The following PCDHB6 variants were observed in gnomAD, a reference collection of about 807,000 sequenced individuals.
PCDHB6 encodes protocadherin beta-6.
For synonymous variants in PCDHB6, 506 were observed against 459.0 expected (o/e 1.10, Z -1.31); for missense variants, 1,137 against 1,010.1 (o/e 1.13, Z -1.70).
rs1554277996 is a variant in PCDHB6 at position 141,152,315 on chromosome 5, C to G, written c.2058C>G (p.Val686=). Residue 686 remains valine, a synonymous_variant, in exon 1 of 1, where the codon GTC becomes GTG. Transcript: ENST00000231136. The part of the protein sequence containing the change: ...PAQAQADSLT[V]YLVVALASVS... The stretch of plus-strand genomic sequence containing the variant: ...AAGCCCAGGCCGACTCTCTCACCGT[C>G]TACCTGGTGGTGGCGTTGGCCTCGG... 3.1e-6 allele frequency: 5 copies of G among 1,609,242 alleles called. No individual in the cohort carries two copies. In the Admixed American group the frequency reaches 5.0e-5, roughly 16 times the overall value.
In PCDHB6 at chr5:141,152,328, G is replaced by A; in HGVS notation, c.2071G>A (p.Ala691Thr). 1 of 1,609,380 alleles carries A rather than the reference G, an allele frequency of 6.2e-7. No homozygotes were observed. Among genetic ancestry groups the A allele is most frequent in the East Asian group, 2.2e-5 (1 of 44,862 alleles). The change falls in exon 1 of 1, where the codon GCG becomes ACG. Residue 691 changes from alanine to threonine, a missense_variant. Coordinates refer to ENST00000231136, the MANE Select transcript of PCDHB6 (RefSeq NM_018939.4). Reference protein sequence around the residue: ...ADSLTVYLVVALASVSSLFLF... With the variant: ...ADSLTVYLVVTLASVSSLFLF... ...CTCTCTCACCGTCTACCTGGTGGTGGCGTTGGCCTCGGTGTCGTCGCTCTT... is the reference window on the plus strand; with the variant it reads ...CTCTCTCACCGTCTACCTGGTGGTGACGTTGGCCTCGGTGTCGTCGCTCTT...
chr5:141,150,299 T>A lies in PCDHB6; in HGVS notation c.42T>A (p.Ala14=). 6.2e-7 allele frequency: 1 copy of A among 1,613,722 alleles called. No individual in the cohort carries two copies. The highest frequency in any genetic ancestry group is 8.5e-7 in the Non-Finnish European group (1 of 1,179,704). Reference sequence around the variant, plus strand: ...TACAGAACAAGAAAAGGCAAGTGGCTTTCTTCATTTTATTGATGCTTTGGG... The same window carrying A: ...TACAGAACAAGAAAAGGCAAGTGGCATTCTTCATTTTATTGATGCTTTGGG... ...TKVQNKKRQV[A]FFILLMLWGE... The change falls in exon 1 of 1, where the codon GCT becomes GCA. Residue 14 remains alanine, a synonymous_variant. Coordinates refer to ENST00000231136, the MANE Select transcript of PCDHB6 (RefSeq NM_018939.4).
Position 141,150,447 on chromosome 5 carries a change from C to T in PCDHB6, c.190C>T (p.Arg64Trp). The T allele has an allele frequency of 6.2e-7, 1 of 1,613,990 alleles. No homozygotes were observed. Among genetic ancestry groups the T allele is most frequent in the Non-Finnish European group, 8.5e-7 (1 of 1,180,012 alleles). The stretch of plus-strand genomic sequence containing the variant: ...GGGGGAGCTGGCTTCGCGGGGCGCT[C>T]GGGTTGTTTTCAAAGGGAACAGACA... ...RVGELASRGA[R>W]VVFKGNRQHL... is the part of the protein sequence containing the mutation. Residue 64 changes from arginine (R) to tryptophan (W), a missense_variant, in exon 1 of 1, where the codon CGG becomes TGG. Arg to Trp is a moderately radical substitution (Grantham distance 101). Transcript: ENST00000231136.
rs782733312 is a variant in PCDHB6, at chr5:141,151,319, C to A, written c.1062C>A (p.Ile354=). The A allele has an allele frequency of 1.2e-6, 2 of 1,614,156 alleles. No homozygotes were observed. The highest frequency in any genetic ancestry group is 1.7e-6 in the Non-Finnish European group (2 of 1,180,034). ...CCATGTCGTTCTTCATCAGCCTCAT[C>A]CCAGAAAACTTACCAGAGATCACAG... The part of the protein sequence containing the change: ...ELTMSFFISL[I]PENLPEITVA... The change falls in exon 1 of 1, where the codon ATC becomes ATA. Residue 354 remains isoleucine (I), a synonymous_variant. Coordinates refer to ENST00000231136, the MANE Select transcript of PCDHB6 (RefSeq NM_018939.4).
chr5:141,150,281 C>T lies in PCDHB6; in HGVS notation c.24C>T (p.Asn8=), dbSNP rs781930775. 9 of 1,612,904 alleles carry T rather than the reference C, an allele frequency of 5.6e-6. No individual in the cohort carries two copies. Among genetic ancestry groups the T allele is most frequent in the Admixed American group, 1.7e-5 (1 of 59,940 alleles). Residue 8 remains asparagine (N), a synonymous_variant, in exon 1 of 1, where the codon AAC becomes AAT. Transcript: ENST00000231136. The stretch of plus-strand genomic sequence containing the variant: ...ACATGATGCAAACTAAAGTACAGAA[C>T]AAGAAAAGGCAAGTGGCTTTCTTCA... MMQTKVQ[N]KKRQVAFFIL...
Position 141,151,755 on chromosome 5 carries a change from T to G in PCDHB6, c.1498T>G (p.Ser500Ala). 1.2e-6 allele frequency: 2 copies of G among 1,613,228 alleles called. No individual in the cohort carries two copies. Among genetic ancestry groups the G allele is most frequent in the African/African-American group, 1.3e-5 (1 of 74,988 alleles). Residue 500 changes from serine to alanine, a missense_variant, in exon 1 of 1, where the codon TCC becomes GCC. Coordinates refer to ENST00000231136, the MANE Select transcript of PCDHB6 (RefSeq NM_018939.4). ...CCAGGACCCGCACCTGCCCCTCTCTTCCCTGGTCTCCATCAACGCGGACAA... is the reference window on the plus strand; with the variant it reads ...CCAGGACCCGCACCTGCCCCTCTCTGCCCTGGTCTCCATCAACGCGGACAA... ...PPQDPHLPLS[S>A]LVSINADNGH...
At position 141,150,174 on chromosome 5, in the gene PCDHB6, G is replaced by A; in HGVS notation, c.-84G>A. On this transcript the variant is annotated 5_prime_UTR_variant, in exon 1 of 1. Coordinates refer to ENST00000231136, the MANE Select transcript of PCDHB6 (RefSeq NM_018939.4). The stretch of plus-strand genomic sequence containing the variant: ...TGTAAGAACGAATTTAAAAATCTCT[G>A]CAAAGACATCCGAGAGGGTCGACGG... 1.9e-6 allele frequency: 2 copies of A among 1,077,706 alleles called. No individual in the cohort carries two copies. Among genetic ancestry groups the A allele is most frequent in the Non-Finnish European group, 1.3e-6 (1 of 742,736 alleles). 66.8% of individuals were successfully genotyped at this position (1,077,706 alleles called of 1,614,324 possible). A position where few individuals can be genotyped will look rare whatever the true frequency, so the allele number is the denominator to read the frequency against.
rs1278484846 is a variant in PCDHB6, at chr5:141,152,755, A to G, written c.*113A>G. ...TCTATTCTTTAGGTTGAAATTTTAT[A>G]TAAAGTAAGATACTGGTATCTTAGT... On this transcript the variant is annotated 3_prime_UTR_variant, in exon 1 of 1. Transcript: ENST00000231136. The G allele has an allele frequency of 1.1e-6, 1 of 913,228 alleles. No homozygotes were observed. Among genetic ancestry groups the G allele is most frequent in the Non-Finnish European group, 1.6e-6 (1 of 620,394 alleles). The allele number at this position is 913,228 out of a possible 1,614,324, so 56.6% of individuals were successfully genotyped here. A position where few individuals can be genotyped will look rare whatever the true frequency, so the allele number is the denominator to read the frequency against.
Position 141,152,348 on chromosome 5 carries a change from G to C in PCDHB6, c.2091G>C (p.Ser697=). The C allele has an allele frequency of 6.2e-7, 1 of 1,609,946 alleles. No homozygotes were observed. Among genetic ancestry groups the C allele is most frequent in the Non-Finnish European group, 8.5e-7 (1 of 1,179,836 alleles). ...YLVVALASVS[S]LFLFSVLLFV... is the part of the protein sequence containing the mutation. ...TGGTGGCGTTGGCCTCGGTGTCGTC[G>C]CTCTTCCTCTTTTCGGTGCTCCTGT... Residue 697 remains serine (S), a synonymous_variant, in exon 1 of 1, where the codon TCG becomes TCC. Coordinates refer to ENST00000231136, the MANE Select transcript of PCDHB6 (RefSeq NM_018939.4).
rs1554278038 is a variant in PCDHB6, at chr5:141,152,427, T to G, written c.2170T>G (p.Ser724Ala). 18 of 1,613,912 alleles carry G rather than the reference T, an allele frequency of 1.1e-5. No homozygotes were observed. The highest frequency in any genetic ancestry group is 1.4e-5 in the Non-Finnish European group (17 of 1,180,030). ...RSRAASVGRY[S>A]VPEGPFPGHL... ...CAGGGCGGCCTCGGTGGGTCGCTAC[T>G]CGGTGCCCGAGGGTCCCTTTCCAGG... Residue 724 changes from serine (S) to alanine (A), a missense_variant, in exon 1 of 1, where the codon TCG becomes GCG. By Grantham distance (99) the Ser-to-Ala change is moderately conservative. Transcript: ENST00000231136.
At position 141,151,994 on chromosome 5, in the gene PCDHB6, G is replaced by A; in HGVS notation, c.1737G>A (p.Glu579=). 9 of 1,609,660 alleles carry A rather than the reference G, an allele frequency of 5.6e-6. No homozygotes were observed. The highest frequency in any genetic ancestry group is 7.6e-6 in the Non-Finnish European group (9 of 1,179,558). ...CCGAGCTGGTGCCCCGGGCGGCCGA[G>A]CCGGGCTACCTGGTGACCAAGGTGG... is the stretch of plus-strand genomic sequence containing the variant. ...PCTELVPRAA[E]PGYLVTKVVA... is the part of the protein sequence containing the mutation. The change falls in exon 1 of 1, where the codon GAG becomes GAA. Residue 579 remains glutamate, a synonymous_variant. Transcript: ENST00000231136.
Position 141,151,773 on chromosome 5 carries a change from G to T in PCDHB6, c.1516G>T (p.Ala506Ser). The change falls in exon 1 of 1, where the codon GCG becomes TCG. Residue 506 changes from alanine (A) to serine (S), a missense_variant. By Grantham distance (99) the Ala-to-Ser change is moderately conservative (BLOSUM62 1). Coordinates refer to ENST00000231136, the MANE Select transcript of PCDHB6 (RefSeq NM_018939.4). ...LPLSSLVSIN[A>S]DNGHLFALRS... ...CCTCTCTTCCCTGGTCTCCATCAACGCGGACAACGGCCACCTGTTTGCCCT... is the reference window on the plus strand; with the variant it reads ...CCTCTCTTCCCTGGTCTCCATCAACTCGGACAACGGCCACCTGTTTGCCCT... 6.2e-7 allele frequency: 1 copy of T among 1,613,324 alleles called. No homozygotes were observed. The highest frequency in any genetic ancestry group is 8.5e-7 in the Non-Finnish European group (1 of 1,179,994).
chr5:141,152,574 C>T lies in PCDHB6; in HGVS notation c.2317C>T (p.Pro773Ser), dbSNP rs1554278071. 1.9e-6 allele frequency: 3 copies of T among 1,613,958 alleles called. No homozygotes were observed. Among genetic ancestry groups the T allele is most frequent in the South Asian group, 1.1e-5 (1 of 91,072 alleles). Reference protein sequence around the residue: ...KFLKPIMPNFPPQGTEREMEE... With the variant: ...KFLKPIMPNFSPQGTEREMEE... ...CCTGAAGCCGATTATGCCCAACTTC[C>T]CTCCTCAGGGCACTGAGAGAGAAAT... The change falls in exon 1 of 1, where the codon CCT (proline) becomes TCT (serine). Residue 773 changes from proline to serine, a missense_variant. Physicochemically the swap from Pro to Ser is moderately conservative, Grantham distance 74. Coordinates refer to ENST00000231136, the MANE Select transcript of PCDHB6 (RefSeq NM_018939.4).
rs544845940 is a variant in PCDHB6, at chr5:141,151,752, T to G, written c.1495T>G (p.Ser499Ala). ...GCCCCAGGACCCGCACCTGCCCCTC[T>G]CTTCCCTGGTCTCCATCAACGCGGA... is the stretch of plus-strand genomic sequence containing the variant. The part of the protein sequence containing the change: ...LPPQDPHLPL[S>A]SLVSINADNG... The change falls in exon 1 of 1, where the codon TCT becomes GCT. Residue 499 changes from serine (S) to alanine (A), a missense_variant. By Grantham distance (99) the Ser-to-Ala change is moderately conservative (BLOSUM62 1). Coordinates refer to ENST00000231136, the MANE Select transcript of PCDHB6 (RefSeq NM_018939.4). 3.3e-5 allele frequency: 53 copies of G among 1,610,674 alleles called. No homozygotes were observed. In the East Asian group the frequency reaches 3.4e-4, roughly 10 times the overall value.
In PCDHB6 at chr5:141,150,962, T is replaced by C; in HGVS notation, c.705T>C (p.Asn235=). Residue 235 remains asparagine, a synonymous_variant, in exon 1 of 1, where the codon AAT becomes AAC. Coordinates refer to ENST00000231136, the MANE Select transcript of PCDHB6 (RefSeq NM_018939.4). ...SEIQIQVLDI[N]DNVPEFAQEL... The stretch of plus-strand genomic sequence containing the variant: ...TTCAGATCCAGGTTTTGGACATCAA[T>C]GACAACGTCCCCGAGTTTGCTCAGG... The C allele has an allele frequency of 1.9e-6, 3 of 1,614,086 alleles. No homozygotes were observed. Among genetic ancestry groups the C allele is most frequent in the Non-Finnish European group, 2.5e-6 (3 of 1,180,018 alleles).
At position 141,151,566 on chromosome 5, in the gene PCDHB6, G is replaced by C; in HGVS notation, c.1309G>C (p.Val437Leu). Residue 437 changes from valine (V) to leucine (L), a missense_variant, in exon 1 of 1, where the codon GTG becomes CTG. Coordinates refer to ENST00000231136, the MANE Select transcript of PCDHB6 (RefSeq NM_018939.4). ...PRLKTQQSITVQVSDVNDNAP... is the reference protein window; with the variant it reads ...PRLKTQQSITLQVSDVNDNAP... ...GCTGAAAACCCAGCAGAGCATAACT[G>C]TGCAGGTCTCCGACGTCAATGACAA... 3 of 1,614,110 alleles carry C rather than the reference G, an allele frequency of 1.9e-6. No individual in the cohort carries two copies. The highest frequency in any genetic ancestry group is 1.7e-6 in the Non-Finnish European group (2 of 1,180,030).
Position 141,150,489 on chromosome 5 carries a change from C to T in PCDHB6, c.232C>T (p.Pro78Ser). Residue 78 changes from proline (P) to serine (S), a missense_variant, in exon 1 of 1, where the codon CCA (proline) becomes TCA (serine). Pro to Ser is a moderately conservative substitution (Grantham distance 74, BLOSUM62 -1). Transcript: ENST00000231136. ...KGNRQHLQFD[P>S]QTHDLLLNEK... The stretch of plus-strand genomic sequence containing the variant: ...GAACAGACAACATTTGCAGTTTGAT[C>T]CACAGACCCATGATTTACTGCTAAA... 1.9e-6 allele frequency: 3 copies of T among 1,614,114 alleles called. No individual in the cohort carries two copies. Among genetic ancestry groups the T allele is most frequent in the Non-Finnish European group, 2.5e-6 (3 of 1,180,012 alleles).
Position 141,152,519 on chromosome 5 carries a change from G to A in PCDHB6, c.2262G>A (p.Thr754=). The A allele has an allele frequency of 6.2e-7, 1 of 1,614,076 alleles. No homozygotes were observed. The highest frequency in any genetic ancestry group is 8.5e-7 in the Non-Finnish European group (1 of 1,180,024). The change falls in exon 1 of 1, where the codon ACG becomes ACA. Residue 754 remains threonine, a synonymous_variant. Coordinates refer to ENST00000231136, the MANE Select transcript of PCDHB6 (RefSeq NM_018939.4). ...SQSYQYKVCL[T]GGSETNEFKF... is the part of the protein sequence containing the mutation. ...GCTACCAGTACAAGGTGTGTCTGACGGGAGGCTCAGAAACAAATGAGTTCA... is the reference window on the plus strand; with the variant it reads ...GCTACCAGTACAAGGTGTGTCTGACAGGAGGCTCAGAAACAAATGAGTTCA...
In PCDHB6 at chr5:141,152,756, T is replaced by A; in HGVS notation, c.*114T>A. On this transcript the variant is annotated 3_prime_UTR_variant, in exon 1 of 1. Transcript: ENST00000231136. ...CTATTCTTTAGGTTGAAATTTTATA[T>A]AAAGTAAGATACTGGTATCTTAGTA... is the stretch of plus-strand genomic sequence containing the variant. 1 of 915,624 alleles carries A rather than the reference T, an allele frequency of 1.1e-6. No homozygotes were observed. Among genetic ancestry groups the A allele is most frequent in the Non-Finnish European group, 1.6e-6 (1 of 621,800 alleles). The allele number at this position is 915,624 out of a possible 1,614,324, so 56.7% of individuals were successfully genotyped here.
Sources: gnomAD v4.1 joint callset for allele counts on GRCh38, gnomAD v4.1.1 for gene constraint, MANE v1.5 for transcripts, NCBI Gene and HGNC (gene_info 2026-07-23, HGNC 2026-07-21) for gene names.